EYS: variants seen among roughly 807,000 people sequenced by gnomAD.
The protein encoded by EYS is EGF-like photoreceptor maintenance factor, also known as protein eyes shut homolog.
EYS carries 250 observed loss-of-function variants against 282.1 expected under a neutral mutation model. The ratio of observed to expected loss-of-function variants is 0.89; its 90% CI spans 0.80 to 0.98. The LOEUF is 0.98. Ranked by LOEUF, EYS falls within the 50% of genes least tolerant of loss-of-function variation. EYS has a pLI of 0.00. For synonymous variants in EYS, 1,355 were observed against 1,282.9 expected, an observed-to-expected ratio of 1.06 and a Z score of -1.20; for missense variants, 4,016 against 3,709.0, an observed-to-expected ratio of 1.08 and a Z score of -2.15.
rs548068434 is a variant in EYS, at chr6:65,052,370, C to A, written c.2137+5244G>T. Among the ~76,000 whole-genome samples, 47 of 151,348 alleles carry A rather than the reference C, an allele frequency of 3.1e-4. No individual in the cohort carries two copies. The South Asian group carries it at 9.6e-3, about 31-fold the overall frequency. On this transcript the variant is annotated intron_variant, in intron 13 of 42. Transcript: ENST00000503581. The stretch of plus-strand genomic sequence containing the variant: ...ACTTTACACTCAAAACATAAAATCC[C>A]CTACTTAATACATTTTGTATATCAA...
intron 22 of EYS, among the ~76,000 whole-genome samples, chr6:64,787,783 A>T (rs929614824): frequency 3.3e-5 from 5 of 150,756 alleles, no homozygotes; most frequent in Admixed American, 6.6e-5. Context: ...TTCTCATTTT[A>T]CTTCTGTGTG....
At chr6:65,496,798 C>CTA (rs779143475) in intron 2 of EYS, among the ~76,000 whole-genome samples, 1 of 151,996 alleles carries the variant, frequency 6.6e-6, no homozygotes, top group Non-Finnish European at 1.5e-5. Context: ...TTCTACTGTA[C>CTA]TATAAAGATC....
At chr6:65,515,790 G>T (rs1767107564) in intron 2 of EYS, among the ~76,000 whole-genome samples, 1 of 115,482 alleles carries the variant, frequency 8.7e-6, no homozygotes, top group Non-Finnish European at 1.7e-5. Context: ...GGGGACTGTT[G>T]TGGGGTGGGG....
intron 26 of EYS, among the ~76,000 whole-genome samples, chr6:64,538,914 T>C (rs907290208): frequency 6.6e-6 from 1 of 152,188 alleles, no homozygotes; most frequent in Non-Finnish European, 1.5e-5. Context: ...TATCTAGTAA[T>C]TGCGCTGCTA....
At position 65,495,076 on chromosome 6, in the gene EYS, A is replaced by G. The variant is rs562862906; in HGVS notation, c.335T>C (p.Val112Ala). The G allele has an allele frequency of 1.4e-5, 22 of 1,614,194 alleles. No homozygotes were observed. The African/African-American group carries it at 1.6e-4, about 12-fold the overall frequency. The change falls in exon 4 of 43, where the codon GTT (valine) becomes GCT (alanine). Residue 112 changes from valine (V) to alanine (A), a missense_variant. Val to Ala is a moderately conservative substitution (Grantham distance 64). Transcript: ENST00000503581. ...NLMNVSETSF[V>A]GCVQNTTTED... ...CGTTGTGGTATTTTGCACACAGCCA[A>G]CGAAAGATGTTTCAGAAACATTCAT...
chr6:65,635,681 G>A (rs911554770), intron 2 of EYS, among the ~76,000 whole-genome samples: 1 of 152,128 alleles, frequency 6.6e-6, no homozygotes, highest in African/African-American at 2.4e-5. Context: ...TAAATCTAAT[G>A]AAACATTATC....
intron 40 of EYS, among the ~76,000 whole-genome samples, chr6:63,769,318 G>C (rs918182082): frequency 1.3e-5 from 2 of 151,856 alleles, no homozygotes; most frequent in East Asian, 1.9e-4. Context: ...TAGGGACATG[G>C]CTCATAAATT....
intron 26 of EYS, among the ~76,000 whole-genome samples, chr6:64,540,078 G>T (rs1415535): frequency 0.77 from 116,543 of 152,170 alleles, 45,595 homozygotes; most frequent in African/African-American, 0.94. Context: ...ACTGACAAGT[G>T]GAATGATTTT....
At chr6:64,402,466 A>G (rs1738014465) in intron 28 of EYS, among the ~76,000 whole-genome samples, 1 of 152,178 alleles carries the variant, frequency 6.6e-6, no homozygotes, top group South Asian at 2.1e-4. Flanking sequence ...TATCCTAAAT[A>G]AATGTGTTTC....
At chr6:63,963,008 T>G (rs1157571628) in intron 35 of EYS, among the ~76,000 whole-genome samples, 1 of 150,616 alleles carries the variant, frequency 6.6e-6, no homozygotes, top group Non-Finnish European at 1.5e-5. Flanking sequence ...CTATTGCAAG[T>G]GCAAAAAACC....
chr6:64,795,641 G>A (rs1284108228), intron 22 of EYS, among the ~76,000 whole-genome samples: 3 of 152,102 alleles, frequency 2.0e-5, no homozygotes, highest in Non-Finnish European at 4.4e-5. Context: ...AAACATAGGT[G>A]AAATACCTGG....
intron 31 of EYS, among the ~76,000 whole-genome samples, chr6:64,160,853 A>G (rs1162849556): frequency 6.6e-6 from 1 of 152,226 alleles, no homozygotes; most frequent in African/African-American, 2.4e-5. Context: ...CCCAGATTTC[A>G]GTAATAGACT....
intron 11 of EYS, among the ~76,000 whole-genome samples, chr6:65,319,309 A>T (rs1769406661): frequency 6.6e-6 from 1 of 150,984 alleles, no homozygotes; most frequent in African/African-American, 2.4e-5. Flanking sequence ...TAACCCAGGA[A>T]GCGGAGGTTG....
intron 31 of EYS, among the ~76,000 whole-genome samples, chr6:64,111,629 CATAAT>C (rs1183890713): frequency 2.0e-5 from 3 of 151,972 alleles, no homozygotes; most frequent in Non-Finnish European, 4.4e-5. Context: ...AGAAAAATGA[CATAAT>C]ATTTATGAGC....
At chr6:64,926,056 T>G (rs977245207) in intron 15 of EYS, among the ~76,000 whole-genome samples, 2 of 151,778 alleles carry the variant, frequency 1.3e-5, no homozygotes, top group South Asian at 4.2e-4. Flanking sequence ...CTAGGAGGGC[T>G]CCCTCCTATA....
intron 26 of EYS, among the ~76,000 whole-genome samples, chr6:64,471,652 A>G (rs1776125424): frequency 6.6e-6 from 1 of 152,170 alleles, no homozygotes; most frequent in Admixed American, 6.5e-5. Context: ...TTAAATGAAC[A>G]CACTTCTAAA....
chr6:64,626,615 A>G (rs1767618420), intron 22 of EYS, among the ~76,000 whole-genome samples: 1 of 152,180 alleles, frequency 6.6e-6, no homozygotes, highest in South Asian at 2.1e-4. Flanking sequence ...AAAGATTAAC[A>G]TTATGCAGCC....
At chr6:64,076,116 C>A (rs1273983340) in intron 32 of EYS, among the ~76,000 whole-genome samples, 1 of 151,958 alleles carries the variant, frequency 6.6e-6, no homozygotes, top group Non-Finnish European at 1.5e-5. Flanking sequence ...CTGCTATATT[C>A]CTGATTTTTT....
intron 19 of EYS, among the ~76,000 whole-genome samples, chr6:64,839,098 G>A (rs1008144908): frequency 2.0e-5 from 3 of 151,860 alleles, no homozygotes; most frequent in East Asian, 1.9e-4. Flanking sequence ...TTAACATCTT[G>A]TAATTAAAAA....
Sources: allele counts gnomAD v4.1 joint callset (sites outside exome capture counted in the v4.1 genomes callset), GRCh38; gene constraint gnomAD v4.1.1; transcripts MANE v1.5; gene names NCBI Gene and HGNC (gene_info 2026-07-23, HGNC 2026-07-21).